The following RAB3GAP1 variants were observed in gnomAD, a reference collection of about 807,000 sequenced individuals.
RAB3GAP1 encodes RAB3 GTPase activating protein catalytic subunit 1.
A neutral mutation model predicts 130.7 loss-of-function variants in RAB3GAP1; 86 were observed. The ratio of observed to expected loss-of-function variants is 0.66; its 90% confidence interval spans 0.55 to 0.79. The LOEUF is 0.79. RAB3GAP1 is among the 30% of genes least tolerant of loss of function. The pLI, the probability that RAB3GAP1 is intolerant of heterozygous loss-of-function variation, is 0.00. For synonymous variants in RAB3GAP1, 367 were observed against 401.7 expected, an observed-to-expected ratio of 0.91 and a Z score of 1.03; for missense variants, 1,029 against 1,169.4, an observed-to-expected ratio of 0.88 and a Z score of 1.75.
intron 15 of RAB3GAP1, 107 bp downstream of exon 15, chr2:135,134,140 G>A: frequency 7.9e-7 from 1 of 1,262,282 alleles, no homozygotes; most frequent in Non-Finnish European, 1.1e-6. Context: ...CTAAGAAAGT[G>A]GCAAGAAGCT....
At position 135,136,823 on chromosome 2, in the gene RAB3GAP1, A is replaced by G. The variant is rs118147364; in HGVS notation, c.1923+891A>G. On this transcript the variant is annotated intron_variant, in intron 17 of 23. Transcript: ENST00000264158. ...TAAAGGTTGGTCCCAGACCAGGCAC[A>G]ATGGCTCAAGCCTGCAAGCCCCACA... 5.4e-4 allele frequency: 329 copies of G among 611,300 alleles called. 3 individuals carry two copies. The East Asian group carries it at 0.02, about 38-fold the overall frequency. 37.9% of individuals were successfully genotyped at this position (611,300 alleles called of 1,614,324 possible).
chr2:135,158,638 T>C (rs944950148), intron 19 of RAB3GAP1, among the ~76,000 whole-genome samples: 2 of 152,200 alleles, frequency 1.3e-5, no homozygotes, highest in African/African-American at 2.4e-5. Context: ...ACCATGTTCA[T>C]AGTAAGGATT....
intron 3 of RAB3GAP1, among the ~76,000 whole-genome samples, chr2:135,069,762 C>T (rs1019922946): frequency 1.3e-5 from 2 of 152,108 alleles, no homozygotes; most frequent in Non-Finnish European, 2.9e-5. Context: ...CCCCTCACTT[C>T]CTGTTTATTA....
intron 3 of RAB3GAP1, among the ~76,000 whole-genome samples, chr2:135,082,276 A>G (rs558796723): frequency 3.3e-5 from 5 of 152,144 alleles, no homozygotes; most frequent in Admixed American, 2.0e-4. Flanking sequence ...AACCATTACC[A>G]TAATCAATTT....
rs183278042 is a variant in RAB3GAP1, at chr2:135,141,459, C to T, written c.1923+5527C>T. On this transcript the variant is annotated intron_variant, in intron 17 of 23. Transcript: ENST00000264158. ...CAGGCTGGTCTCGAACTCCTGACCT[C>T]GTGATCTGCCTGTCTGGGCCTCCCA... Among the ~76,000 whole-genome samples, 173 of 152,036 alleles carry T rather than the reference C, an allele frequency of 1.1e-3. 2 individuals are homozygous for T. Among genetic ancestry groups the T allele is most frequent in the South Asian group, 6.3e-3 (30 of 4,798 alleles).
chr2:135,124,377 G>A (rs1180953280), intron 9 of RAB3GAP1, 131 bp downstream of exon 9: 18 of 991,438 alleles, frequency 1.8e-5, no homozygotes, highest in East Asian at 7.8e-5. Flanking sequence ...AAAGAAAGAC[G>A]TACACCTGGG....
intron 7 of RAB3GAP1, among the ~76,000 whole-genome samples, chr2:135,117,806 TTCTTTCTTCTTCTTTC>T (rs1266857205): frequency 6.8e-5 from 10 of 147,960 alleles, no homozygotes; most frequent in South Asian, 2.1e-4. Context: ...CTTCTTCTTC[TTCTTTCTTCTTCTTTC>T]TTCTTCTTCT....
At chr2:135,159,387 G>A (rs1483424614) in intron 19 of RAB3GAP1, among the ~76,000 whole-genome samples, 1 of 152,190 alleles carries the variant, frequency 6.6e-6, no homozygotes, top group Non-Finnish European at 1.5e-5. Context: ...CTGGCGGTAT[G>A]TACTCCTGAC....
intron 3 of RAB3GAP1, among the ~76,000 whole-genome samples, chr2:135,082,161 G>GAATGAATGAATGAATGAATGAATAAATA (rs138937070): frequency 6.7e-6 from 1 of 150,368 alleles, no homozygotes; most frequent in African/African-American, 2.5e-5. Context: ...ATGAATGAAT[G>GAATGAATGAATGAATGAATGAATAAATA]AATAAATAAA....
At chr2:135,096,152 G>A (rs1690286923) in intron 5 of RAB3GAP1, among the ~76,000 whole-genome samples, 1 of 152,104 alleles carries the variant, frequency 6.6e-6, no homozygotes, top group Admixed American at 6.5e-5. Context: ...ATTTTGGATG[G>A]AGTGGTCTTA....
At chr2:135,074,816 T>C (rs918891833) in intron 3 of RAB3GAP1, among the ~76,000 whole-genome samples, 7 of 152,180 alleles carry the variant, frequency 4.6e-5, no homozygotes, top group African/African-American at 1.4e-4. Context: ...GAAGATACGA[T>C]ACTGGCAGCA....
chr2:135,125,117 C>T (rs1224824937), intron 9 of RAB3GAP1, among the ~76,000 whole-genome samples: 2 of 152,216 alleles, frequency 1.3e-5, no homozygotes, highest in Non-Finnish European at 2.9e-5. Flanking sequence ...ATCATTTCCC[C>T]TTAGTCTTCT....
Position 135,090,943 on chromosome 2 carries a change from A to T in RAB3GAP1, c.151-55A>T, listed in dbSNP as rs193061592. ...GAAAATATCCCTGTCGTTAGTAAAT[A>T]TAATGATAGCTATTGATTAAGGTAA... On this transcript the variant is annotated intron_variant, in intron 3 of 23. Coordinates refer to ENST00000264158, the MANE Select transcript of RAB3GAP1 (RefSeq NM_012233.3). 541 of 1,501,100 alleles carry T rather than the reference A, an allele frequency of 3.6e-4. 1 individual carries two copies. The African/African-American group carries it at 6.7e-3, about 19-fold the overall frequency. 93.0% of individuals were successfully genotyped at this position (1,501,100 alleles called of 1,614,324 possible).
rs1423817568 is a variant in RAB3GAP1, at chr2:135,106,771, A to T, written c.363-6380A>T. ...CAATAAATACTAAAAAAAAAAATAA[A>T]AAAATAAAAAAGTAAAAAAAAAAGC... On this transcript the variant is annotated intron_variant, in intron 5 of 23. Coordinates refer to ENST00000264158, the MANE Select transcript of RAB3GAP1 (RefSeq NM_012233.3). 1.6e-3 allele frequency among the ~76,000 whole-genome samples: 245 copies of T among 151,254 alleles called. 1 individual carries two copies. The highest frequency in any genetic ancestry group is 5.8e-3 in the African/African-American group (237 of 41,096).
intron 17 of RAB3GAP1, among the ~76,000 whole-genome samples, chr2:135,145,580 T>C (rs905489795): frequency 2.0e-5 from 3 of 152,206 alleles, no homozygotes; most frequent in Non-Finnish European, 4.4e-5. Context: ...ATTTAGCATA[T>C]GTATGGATTG....
intron 19 of RAB3GAP1, among the ~76,000 whole-genome samples, chr2:135,160,302 T>G (rs972786500): frequency 6.6e-6 from 1 of 152,160 alleles, no homozygotes; most frequent in African/African-American, 2.4e-5. Context: ...TAGTTGAGAT[T>G]AAAGAGCTAT....
At chr2:135,064,916 T>A in intron 3 of RAB3GAP1, among the ~76,000 whole-genome samples, 1 of 114,510 alleles carries the variant, frequency 8.7e-6, no homozygotes, top group East Asian at 2.0e-4. Context: ...CTGAAGAGTA[T>A]TTTTTTTTTT....
At chr2:135,057,870 A>G in intron 2 of RAB3GAP1, 141 bp from the exon 3 acceptor site, 1 of 666,714 alleles carries the variant, frequency 1.5e-6, no homozygotes, top group Non-Finnish European at 2.7e-6. Flanking sequence ...CATATCCATA[A>G]ATTAAGCTAG....
At chr2:135,121,050 A>T (rs1691183989) in intron 8 of RAB3GAP1, 132 bp downstream of exon 8, 3 of 763,222 alleles carry the variant, frequency 3.9e-6, no homozygotes, top group Non-Finnish European at 6.7e-6. Context: ...TTTTAAATGT[A>T]ATATTATTGC....
Sources: gnomAD v4.1 joint callset for allele counts (sites outside exome capture counted in the v4.1 genomes callset) on GRCh38, gnomAD v4.1.1 for gene constraint, MANE v1.5 for transcripts, NCBI Gene and HGNC (gene_info 2026-07-23, HGNC 2026-07-21) for gene names.